CDC25A: variants seen among roughly 807,000 people sequenced by gnomAD.
CDC25A encodes the protein M-phase inducer phosphatase 1.
Under a neutral mutation model 64.6 loss-of-function variants are expected in CDC25A, and 17 were observed. The ratio of observed to expected loss-of-function variants is 0.26; its 90% CI spans 0.18 to 0.39. CDC25A has a LOEUF of 0.39. CDC25A is among the 10% of genes least tolerant of loss of function. The probability of loss-of-function intolerance (pLI) is 1.00; values close to 1 mark genes in which losing one functional copy is unlikely to be tolerated. For synonymous variants in CDC25A, 229 were observed against 238.6 expected, an observed-to-expected ratio of 0.96 and a Z score of 0.37; for missense variants, 473 against 654.8, an observed-to-expected ratio of 0.72 and a Z score of 3.03.
Position 48,183,780 on chromosome 3 carries a change from TA to T in CDC25A, c.327+19del. 6.5e-7 allele frequency: 1 copy of T among 1,530,098 alleles called. No homozygotes were observed. Among genetic ancestry groups the T allele is most frequent in the Non-Finnish European group, 9.1e-7 (1 of 1,104,626 alleles). The allele number at this position is 1,530,098 out of a possible 1,614,324, so 94.8% of individuals were successfully genotyped here. On this transcript the variant is annotated intron_variant, in intron 4 of 14. Coordinates refer to ENST00000302506, the MANE Select transcript of CDC25A (RefSeq NM_001789.3). ...ACAGATAACAGGTATTAGCTCAAAA[TA>T]AACAAGGAACTAACTTACAGGTAGG...
intron 9 of CDC25A, among the ~76,000 whole-genome samples, chr3:48,171,462 C>T (rs2032267662): frequency 6.7e-6 from 1 of 149,376 alleles, no homozygotes; most frequent in Non-Finnish European, 1.5e-5. Flanking sequence ...CTCACTGCAA[C>T]CTCCATTTCC....
intron 13 of CDC25A, among the ~76,000 whole-genome samples, chr3:48,160,012 C>CT (rs2031681925): frequency 6.6e-6 from 1 of 152,182 alleles, no homozygotes; most frequent in Non-Finnish European, 1.5e-5. Context: ...CAGGCCCCTA[C>CT]TGCTGCTCTG....
chr3:48,168,406 AC>A (rs1344814548), intron 9 of CDC25A, among the ~76,000 whole-genome samples: 2 of 148,478 alleles, frequency 1.3e-5, no homozygotes, highest in Admixed American at 6.9e-5. Flanking sequence ...ACACACACAC[AC>A]AAGCTGGGCA....
chr3:48,164,529 T>G, intron 12 of CDC25A, 92 bp from the exon 13 acceptor site: 7 of 1,230,342 alleles, frequency 5.7e-6, no homozygotes, highest in Non-Finnish European at 7.6e-6. Context: ...GAGTGATCTT[T>G]AAGTCCACAA....
At chr3:48,180,651 C>A in intron 6 of CDC25A, 70 bp downstream of exon 6, 1 of 1,550,010 alleles carries the variant, frequency 6.5e-7, no homozygotes, top group Non-Finnish European at 8.8e-7. Flanking sequence ...GCCTTCAATT[C>A]TGGATGAAAG....
chr3:48,174,921 T>C (rs533940622), intron 8 of CDC25A, among the ~76,000 whole-genome samples: 21 of 152,184 alleles, frequency 1.4e-4, no homozygotes, highest in Non-Finnish European at 2.6e-4. Context: ...AAGGTATAGT[T>C]AAGATGGTAA....
chr3:48,162,198 T>A (rs533913172), intron 13 of CDC25A, among the ~76,000 whole-genome samples: 53 of 152,222 alleles, frequency 3.5e-4, no homozygotes, highest in Admixed American at 3.5e-3. Flanking sequence ...GTGTAGAGCA[T>A]GTACATACAA....
At chr3:48,173,888 C>G (rs1367054886) in intron 9 of CDC25A, among the ~76,000 whole-genome samples, 1 of 152,204 alleles carries the variant, frequency 6.6e-6, no homozygotes, top group East Asian at 1.9e-4. Context: ...GCCAACAACA[C>G]TATGGATGGA....
intron 12 of CDC25A, among the ~76,000 whole-genome samples, chr3:48,164,684 G>A (rs1219548069): frequency 6.6e-6 from 1 of 152,096 alleles, no homozygotes; most frequent in Non-Finnish European, 1.5e-5. Context: ...ATTCAAATAT[G>A]ACAATGGTAC....
At chr3:48,174,575 C>T (rs2032389643) in intron 8 of CDC25A, 118 bp from the exon 9 acceptor site, 1 of 952,000 alleles carries the variant, frequency 1.1e-6, no homozygotes, top group South Asian at 1.7e-5. Context: ...AATTAGCCAA[C>T]AGACACTGCC....
chr3:48,177,222 AT>A (rs1324278574), intron 8 of CDC25A, 148 bp downstream of exon 8: 1 of 640,254 alleles, frequency 1.6e-6, no homozygotes, highest in Non-Finnish European at 2.8e-6. Flanking sequence ...ACTAAAGGTC[AT>A]AATTTGTAGG....
intron 5 of CDC25A, chr3:48,181,789 AT>A: frequency 5.0e-6 from 3 of 604,190 alleles, no homozygotes; most frequent in Admixed American, 2.9e-5. Flanking sequence ...ACCATGAAGA[AT>A]CAAAAAAAAA....
intron 12 of CDC25A, among the ~76,000 whole-genome samples, chr3:48,164,826 G>A (rs2031934451): frequency 6.6e-6 from 1 of 151,814 alleles, no homozygotes; most frequent in Admixed American, 6.6e-5. Context: ...TAAAATGGCA[G>A]GCCAGGCGCC....
intron 13 of CDC25A, among the ~76,000 whole-genome samples, chr3:48,161,692 G>A (rs1400081482): frequency 6.6e-6 from 1 of 152,006 alleles, no homozygotes; most frequent in African/African-American, 2.4e-5. Flanking sequence ...CTGGACAACA[G>A]AGACTGACCC....
intron 13 of CDC25A, among the ~76,000 whole-genome samples, chr3:48,160,830 C>T (rs1286315554): frequency 1.3e-5 from 2 of 152,128 alleles, no homozygotes; most frequent in Non-Finnish European, 2.9e-5. Flanking sequence ...GCTTCCTCTG[C>T]AGCACGTAGC....
intron 1 of CDC25A, among the ~76,000 whole-genome samples, chr3:48,187,523 G>A (rs1010147053): frequency 2.6e-5 from 4 of 152,246 alleles, no homozygotes; most frequent in Non-Finnish European, 5.9e-5. Flanking sequence ...CAATCCGAAA[G>A]GGGTGAAGGT....
At chr3:48,179,209 G>C (rs2032573928) in intron 6 of CDC25A, among the ~76,000 whole-genome samples, 1 of 152,124 alleles carries the variant, frequency 6.6e-6, no homozygotes, top group Non-Finnish European at 1.5e-5. Context: ...ACTTTATTAT[G>C]GGGCAGTACC....
intron 13 of CDC25A, among the ~76,000 whole-genome samples, chr3:48,161,855 G>A (rs749940354): frequency 7.8e-4 from 119 of 152,266 alleles, no homozygotes; most frequent in Non-Finnish European, 1.6e-3. Context: ...GAGGTCAGGA[G>A]TTCGAGACCA....
At chr3:48,173,952 C>T (rs1251971675) in intron 9 of CDC25A, among the ~76,000 whole-genome samples, 3 of 152,142 alleles carry the variant, frequency 2.0e-5, no homozygotes, top group Non-Finnish European at 4.4e-5. Flanking sequence ...AATGCTTCAA[C>T]AGGCAATTAT....
Sources: allele counts gnomAD v4.1 joint callset (sites outside exome capture counted in the v4.1 genomes callset), GRCh38; gene constraint gnomAD v4.1.1; transcripts MANE v1.5; gene names NCBI Gene and HGNC (gene_info 2026-07-23, HGNC 2026-07-21).